The following SGO2 variants were observed in gnomAD, a reference collection of about 807,000 sequenced individuals.
SGO2 encodes shugoshin 2, also known as shugoshin-like 2.
A neutral mutation model predicts 99.5 loss-of-function variants in SGO2; 68 were observed. The observed-to-expected ratio is 0.68, with a 90% confidence interval of 0.56 to 0.84. SGO2 has a LOEUF of 0.84. Ranked by LOEUF, SGO2 falls within the 40% of genes least tolerant of loss-of-function variation. SGO2 has a pLI of 0.00. For synonymous variants in SGO2, 457 were observed against 487.1 expected, an observed-to-expected ratio of 0.94 and a Z score of 0.81; for missense variants, 1,350 against 1,436.7, an observed-to-expected ratio of 0.94 and a Z score of 0.97.
intron 8 of SGO2, among the ~76,000 whole-genome samples, chr2:200,578,235 A>T (rs1170476612): frequency 7.5e-6 from 1 of 134,010 alleles, no homozygotes; most frequent in Non-Finnish European, 1.7e-5. Flanking sequence ...TGCCATCAAT[A>T]TTTATCTTGT....
At position 200,573,309 on chromosome 2, in the gene SGO2, A is replaced by G; in HGVS notation, c.2963A>G (p.Lys988Arg). 1 of 1,605,710 alleles carries G rather than the reference A, an allele frequency of 6.2e-7. No individual in the cohort carries two copies. Among genetic ancestry groups the G allele is most frequent in the East Asian group, 2.2e-5 (1 of 44,762 alleles). ...DSYKVVKKRK[K>R]ESSCKAKNIL... ...TACAAAGTAGTTAAAAAACGTAAGA[A>G]AGAATCATCATGCAAGGCAAAGAAC... is the stretch of plus-strand genomic sequence containing the variant. Residue 988 changes from lysine to arginine, a missense_variant, in exon 7 of 9, where the codon AAA (lysine) becomes AGA (arginine). By Grantham distance (26) the Lys-to-Arg change is conservative. Coordinates refer to ENST00000357799, the MANE Select transcript of SGO2 (RefSeq NM_152524.6).
At position 200,575,305 on chromosome 2, in the gene SGO2, T is replaced by C. The variant is rs767001286; in HGVS notation, c.3632-6T>C. On this transcript the variant is annotated splice_region_variant and splice_polypyrimidine_tract_variant and intron_variant, in intron 7 of 8. Coordinates refer to ENST00000357799, the MANE Select transcript of SGO2 (RefSeq NM_152524.6). ...AATATTTGTGAAAAATAATATTCTT[T>C]TTCAGGTGATAGACCATTACAGGAC... 1 of 1,526,394 alleles carries C rather than the reference T, an allele frequency of 6.6e-7. No homozygotes were observed. The highest frequency in any genetic ancestry group is 2.3e-5 in the East Asian group (1 of 44,104). The allele number at this position is 1,526,394 out of a possible 1,614,324, so 94.6% of individuals were successfully genotyped here. A position where few individuals can be genotyped will look rare whatever the true frequency, so the allele number is the denominator to read the frequency against.
chr2:200,550,390 C>T (rs1483306838), intron 5 of SGO2, among the ~76,000 whole-genome samples: 1 of 152,036 alleles, frequency 6.6e-6, no homozygotes, highest in Non-Finnish European at 1.5e-5. Context: ...CCTGAGTAAC[C>T]AAAGCAATCT....
chr2:200,565,460 A>G (rs1301281424), intron 5 of SGO2, among the ~76,000 whole-genome samples: 1 of 152,118 alleles, frequency 6.6e-6, no homozygotes, highest in Non-Finnish European at 1.5e-5. Flanking sequence ...TCCCTTTGTG[A>G]GTAACCCAAC....
intron 5 of SGO2, chr2:200,543,553 T>G (rs376195577): frequency 6.6e-6 from 1 of 152,198 alleles, no homozygotes; most frequent in Non-Finnish European, 1.5e-5. Flanking sequence ...ATGCTTTTAC[T>G]TAAGTGCACA....
At chr2:200,528,833 G>A (rs1392202930) in intron 1 of SGO2, among the ~76,000 whole-genome samples, 2 of 152,190 alleles carry the variant, frequency 1.3e-5, no homozygotes, top group Non-Finnish European at 2.9e-5. Flanking sequence ...CTGAGAAGTG[G>A]TCAGCGAGGC....
In SGO2 at chr2:200,572,621, G is replaced by A; in HGVS notation, c.2275G>A (p.Glu759Lys). The change falls in exon 7 of 9, where the codon GAA becomes AAA. Residue 759 changes from glutamate (E) to lysine (K), a missense_variant. Physicochemically the swap from Glu to Lys is moderately conservative, Grantham distance 56 (BLOSUM62 1). Transcript: ENST00000357799. ...KDKEIIPGNL[E>K]DPSEFETPAL... ...TAAGGAAATCATCCCTGGAAACCTA[G>A]AAGACCCAAGTGAGTTTGAAACACC... 1 of 1,613,108 alleles carries A rather than the reference G, an allele frequency of 6.2e-7. No homozygotes were observed. Among genetic ancestry groups the A allele is most frequent in the Non-Finnish European group, 8.5e-7 (1 of 1,179,410 alleles).
At chr2:200,582,450 C>G (rs769376698) in intron 8 of SGO2, among the ~76,000 whole-genome samples, 13 of 152,080 alleles carry the variant, frequency 8.5e-5, no homozygotes, top group Non-Finnish European at 1.6e-4. Flanking sequence ...AATAACCTCC[C>G]CACTAGCTTG....
chr2:200,582,438 A>G (rs1464058898), intron 8 of SGO2, among the ~76,000 whole-genome samples: 1 of 152,150 alleles, frequency 6.6e-6, no homozygotes, highest in Non-Finnish European at 1.5e-5. Context: ...GAGCAAACTA[A>G]AAATAACCTC....
chr2:200,564,612 T>A (rs555107917), intron 5 of SGO2, among the ~76,000 whole-genome samples: 12 of 152,328 alleles, frequency 7.9e-5, no homozygotes, highest in African/African-American at 2.4e-4. Context: ...TTCCTGGATA[T>A]CCTTGTTAAT....
In SGO2 at chr2:200,569,775, C is replaced by CA; in HGVS notation, c.588dup (p.Pro197ThrfsTer7). On this transcript the variant is annotated frameshift_variant, in exon 6 of 9. Coordinates refer to ENST00000357799, the MANE Select transcript of SGO2 (RefSeq NM_152524.6). LOFTEE classifies it high-confidence loss of function. ...TATTCCCTCTTCAGGATCAACAACA[C>CA]AACCTTTATCAACTCAGGATAATTC... 5 of 1,611,488 alleles carry CA rather than the reference C, an allele frequency of 3.1e-6. No individual in the cohort carries two copies. Among genetic ancestry groups the CA allele is most frequent in the Non-Finnish European group, 4.2e-6 (5 of 1,177,840 alleles).
intron 4 of SGO2, among the ~76,000 whole-genome samples, chr2:200,540,089 T>C (rs2031891314): frequency 6.6e-6 from 1 of 152,232 alleles, no homozygotes; most frequent in Admixed American, 6.5e-5. Context: ...TTTGCTGAGA[T>C]GTTCCATTTT....
At chr2:200,532,366 C>T in intron 1 of SGO2, 5 of 973,910 alleles carry the variant, frequency 5.1e-6, no homozygotes, top group Non-Finnish European at 6.0e-6. Context: ...GTTGGTCTTA[C>T]ATGGCTCAAC....
chr2:200,533,547 G>GTATATA (rs1553556344), intron 2 of SGO2, among the ~76,000 whole-genome samples: 2 of 142,952 alleles, frequency 1.4e-5, no homozygotes, highest in South Asian at 4.4e-4. Context: ...GTGTGTGTGT[G>GTATATA]TATACATGTG....
intron 5 of SGO2, among the ~76,000 whole-genome samples, chr2:200,558,312 AC>A (rs2032801862): frequency 6.6e-6 from 1 of 152,120 alleles, no homozygotes; most frequent in Non-Finnish European, 1.5e-5. Context: ...GTTTCTTTGT[AC>A]TTTCAGTTTG....
intron 5 of SGO2, among the ~76,000 whole-genome samples, chr2:200,563,488 A>G (rs1481910937): frequency 3.3e-5 from 5 of 152,174 alleles, no homozygotes; most frequent in Non-Finnish European, 7.3e-5. Context: ...TCTTGCATCG[A>G]TGTTCATCAG....
In SGO2 at chr2:200,573,410, G is replaced by C; in HGVS notation, c.3064G>C (p.Asp1022His). The C allele has an allele frequency of 6.2e-7, 1 of 1,605,532 alleles. No homozygotes were observed. Among genetic ancestry groups the C allele is most frequent in the South Asian group, 1.1e-5 (1 of 88,690 alleles). Residue 1022 changes from aspartate (D) to histidine (H), a missense_variant, in exon 7 of 9, where the codon GAT becomes CAT. Asp to His is a moderately conservative substitution (Grantham distance 81, BLOSUM62 -1). Coordinates refer to ENST00000357799, the MANE Select transcript of SGO2 (RefSeq NM_152524.6). ...ACAGACATCTATCTCCTTAGAATCT[G>C]ATTTAAAACATATTACTAGTGAAGC... is the stretch of plus-strand genomic sequence containing the variant. ...SSQTSISLES[D>H]LKHITSEADS...
chr2:200,537,012 T>C (rs1205873052), intron 4 of SGO2, among the ~76,000 whole-genome samples: 1 of 152,132 alleles, frequency 6.6e-6, no homozygotes, highest in Non-Finnish European at 1.5e-5. Context: ...ACACAAAAGA[T>C]AGCATGCTAT....
Position 200,535,096 on chromosome 2 carries a change from A to G in SGO2, c.234A>G (p.Glu78=). ...EKENSRRITT[E]KMLLQKEVEK... ...AGAATTCTCGAAGAATTACAACTGAAAAGATGCTATTGCAAAAAGAAGTAG... is the reference window on the plus strand; with the variant it reads ...AGAATTCTCGAAGAATTACAACTGAGAAGATGCTATTGCAAAAAGAAGTAG... Residue 78 remains glutamate (E), a synonymous_variant, in exon 3 of 9, where the codon GAA becomes GAG. Transcript: ENST00000357799. 1 of 1,562,878 alleles carries G rather than the reference A, an allele frequency of 6.4e-7. No homozygotes were observed. The highest frequency in any genetic ancestry group is 8.6e-7 in the Non-Finnish European group (1 of 1,163,050).
Sources: allele counts gnomAD v4.1 joint callset (sites outside exome capture counted in the v4.1 genomes callset), GRCh38; gene constraint gnomAD v4.1.1; transcripts MANE v1.5; gene names NCBI Gene and HGNC (gene_info 2026-07-23, HGNC 2026-07-21).